Variants in CLSTN2 observed in about 807,000 individuals in gnomAD.
The protein encoded by CLSTN2 is calsyntenin 2.
In CLSTN2, 48 loss-of-function variants were observed where a neutral mutation model predicts 101.2. The observed-to-expected ratio is 0.47, with a 90% confidence interval of 0.38 to 0.60. CLSTN2 has a LOEUF of 0.60. Ranked by LOEUF, CLSTN2 falls within the 20% of genes least tolerant of loss-of-function variation. CLSTN2 has a pLI of 0.00. For missense variants in CLSTN2, 1,160 were observed against 1,238.2 expected (o/e 0.94, Z 0.95); for synonymous variants, 481 against 463.6 (o/e 1.04, Z -0.48).
chr3:140,262,057 C>G (rs1242927299), intron 2 of CLSTN2, among the ~76,000 whole-genome samples: 2 of 151,542 alleles, frequency 1.3e-5, no homozygotes, highest in African/African-American at 4.9e-5. Context: ...GCTGTGTGAC[C>G]TTAGTTTAGT....
intron 1 of CLSTN2, among the ~76,000 whole-genome samples, chr3:140,031,309 A>G (rs774814023): frequency 2.6e-5 from 4 of 152,206 alleles, no homozygotes; most frequent in African/African-American, 9.6e-5. Context: ...GACGCGCAGC[A>G]TGAAATTCTG....
chr3:140,026,621 C>T (rs1014395219), intron 1 of CLSTN2, among the ~76,000 whole-genome samples: 1 of 152,202 alleles, frequency 6.6e-6, no homozygotes, highest in African/African-American at 2.4e-5. Context: ...GAAGTTCCCG[C>T]CCCTCAGGGA....
At chr3:140,339,782 G>C (rs2087474330) in intron 2 of CLSTN2, among the ~76,000 whole-genome samples, 1 of 152,210 alleles carries the variant, frequency 6.6e-6, no homozygotes, top group Admixed American at 6.5e-5. Context: ...AATGAACACT[G>C]TTATAGTGGC....
At chr3:140,202,847 T>C (rs754596522) in intron 2 of CLSTN2, among the ~76,000 whole-genome samples, 6 of 152,166 alleles carry the variant, frequency 3.9e-5, no homozygotes, top group Non-Finnish European at 8.8e-5. Context: ...GTCCTTTTTT[T>C]CCTGAGCACA....
At chr3:140,477,194 A>T (rs920836492) in intron 8 of CLSTN2, among the ~76,000 whole-genome samples, 3 of 152,180 alleles carry the variant, frequency 2.0e-5, no homozygotes, top group African/African-American at 7.2e-5. Context: ...TTAATGTCTA[A>T]ACATGCAAAT....
At chr3:139,982,050 G>A (rs1421008197) in intron 1 of CLSTN2, among the ~76,000 whole-genome samples, 1 of 152,134 alleles carries the variant, frequency 6.6e-6, no homozygotes, top group African/African-American at 2.4e-5. Flanking sequence ...GAGAGATGAG[G>A]AGCTTGCTAA....
chr3:140,270,893 T>C (rs2086736712), intron 2 of CLSTN2, among the ~76,000 whole-genome samples: 1 of 152,132 alleles, frequency 6.6e-6, no homozygotes, highest in Non-Finnish European at 1.5e-5. Flanking sequence ...TCCCTCCCTA[T>C]CATCATGCTT....
At chr3:140,123,589 C>T (rs557910449) in intron 1 of CLSTN2, among the ~76,000 whole-genome samples, 139 of 152,230 alleles carry the variant, frequency 9.1e-4, no homozygotes, top group African/African-American at 3.1e-3. Flanking sequence ...TCTTAGTCAG[C>T]TCAGGCTGCC....
chr3:140,135,575 T>C (rs112259819), intron 1 of CLSTN2, among the ~76,000 whole-genome samples: 169 of 152,296 alleles, frequency 1.1e-3, no homozygotes, highest in African/African-American at 3.6e-3. Flanking sequence ...AGGAGGAAAC[T>C]GAGAACGGAT....
chr3:140,187,352 C>G (rs115904898), intron 2 of CLSTN2, among the ~76,000 whole-genome samples: 1,778 of 152,206 alleles, frequency 0.012, 35 homozygotes, highest in African/African-American at 0.04. Context: ...TAATGCTGTC[C>G]TCACCAGCCC....
chr3:140,087,056 A>T (rs1223680094), intron 1 of CLSTN2, among the ~76,000 whole-genome samples: 2 of 152,110 alleles, frequency 1.3e-5, no homozygotes, highest in Non-Finnish European at 2.9e-5. Flanking sequence ...TTGCTTACCT[A>T]AAAGGTGGTT....
chr3:140,289,964 A>C (rs1209478873), intron 2 of CLSTN2, among the ~76,000 whole-genome samples: 1 of 150,602 alleles, frequency 6.6e-6, no homozygotes, highest in Non-Finnish European at 1.5e-5. Context: ...TGTGGCATGT[A>C]AAAGGGTCTC....
At chr3:140,356,156 G>C (rs962822258) in intron 2 of CLSTN2, among the ~76,000 whole-genome samples, 5 of 152,122 alleles carry the variant, frequency 3.3e-5, no homozygotes, top group Non-Finnish European at 7.3e-5. Context: ...AGAGGGAAGA[G>C]ACTGGCCAGC....
chr3:140,479,450 C>T (rs1170768434), intron 8 of CLSTN2, among the ~76,000 whole-genome samples: 2 of 152,178 alleles, frequency 1.3e-5, no homozygotes, highest in African/African-American at 4.8e-5. Context: ...CAATAAAAAT[C>T]ACTGGACATG....
At chr3:140,285,267 A>G (rs1296492171) in intron 2 of CLSTN2, among the ~76,000 whole-genome samples, 5 of 152,180 alleles carry the variant, frequency 3.3e-5, no homozygotes, top group Non-Finnish European at 7.3e-5. Flanking sequence ...ATACTCATAT[A>G]TACCCATATG....
intron 2 of CLSTN2, among the ~76,000 whole-genome samples, chr3:140,343,531 T>C (rs559490947): frequency 6.6e-6 from 1 of 152,330 alleles, no homozygotes; most frequent in Admixed American, 6.5e-5. Flanking sequence ...TTCCAGGGAC[T>C]ATCAATGCAG....
At chr3:140,157,028 G>C (rs1256611271) in intron 1 of CLSTN2, among the ~76,000 whole-genome samples, 1 of 152,104 alleles carries the variant, frequency 6.6e-6, no homozygotes, top group East Asian at 1.9e-4. Flanking sequence ...GGGAGGTCTT[G>C]CCCCTGCCCT....
At chr3:140,050,904 T>C (rs1459026629) in intron 1 of CLSTN2, among the ~76,000 whole-genome samples, 2 of 152,196 alleles carry the variant, frequency 1.3e-5, no homozygotes, top group Admixed American at 6.5e-5. Flanking sequence ...TTTTTATTGT[T>C]ACTGTTGGGG....
intron 8 of CLSTN2, among the ~76,000 whole-genome samples, chr3:140,531,084 C>A (rs2107778715): frequency 6.6e-6 from 1 of 152,236 alleles, no homozygotes; most frequent in Middle Eastern, 3.4e-3. Context: ...CAATAACAGG[C>A]CTAGCTTGAG....
Sources: gnomAD v4.1 joint callset for allele counts (sites outside exome capture counted in the v4.1 genomes callset) on GRCh38, gnomAD v4.1.1 for gene constraint, MANE v1.5 for transcripts, NCBI Gene and HGNC (gene_info 2026-07-23, HGNC 2026-07-21) for gene names.